The following TAOK2 variants were observed in gnomAD, a reference collection of about 807,000 sequenced individuals.
TAOK2 encodes serine/threonine-protein kinase TAO2.
Under a neutral mutation model 122.5 loss-of-function variants are expected in TAOK2, and 42 were observed. That is an observed-to-expected ratio of 0.34 (90% CI 0.27 to 0.44). The LOEUF (loss-of-function observed/expected upper bound fraction) is 0.44. Ranked by LOEUF, TAOK2 falls within the 20% of genes least tolerant of loss-of-function variation. The pLI is 1.00. For missense variants in TAOK2, 1,264 were observed against 1,644.9 expected (o/e 0.77, Z 4.01); for synonymous variants, 704 against 677.6 (o/e 1.04, Z -0.61).
chr16:29,989,344 C>G (rs904824610), downstream of TAOK2: 1 of 985,252 alleles, frequency 1.0e-6, no homozygotes, highest in South Asian at 4.7e-5. Flanking sequence ...TCTTGCCCAT[C>G]GAGACCTTCC....
At chr16:29,991,358 C>G (rs1285692118), downstream of TAOK2, 6 of 1,592,412 alleles carry the variant, frequency 3.8e-6, no homozygotes, top group Non-Finnish European at 5.1e-6. The surrounding 1 kb of genome is among the most constrained non-coding windows in gnomAD (Gnocchi z 5.6). Flanking sequence ...GCCCCCCAAA[C>G]TGGCTGGGGC....
Position 29,986,193 on chromosome 16 carries a change from T to A in TAOK2, c.1993-72T>A. Reference sequence around the variant, plus strand: ...TTCTTCCGCCATCCCCAGCTCCCTCTGCCAAGGAGCCCTGGCCTCTCACTT... The same window carrying A: ...TTCTTCCGCCATCCCCAGCTCCCTCAGCCAAGGAGCCCTGGCCTCTCACTT... On this transcript the variant is annotated intron_variant, in intron 15 of 15. Coordinates refer to ENST00000308893, the MANE Select transcript of TAOK2 (RefSeq NM_016151.4). The surrounding 1 kb of genome is among the most constrained non-coding windows in gnomAD (Gnocchi z 4.2). 1 of 1,499,158 alleles carries A rather than the reference T, an allele frequency of 6.7e-7. No homozygotes were observed. The highest frequency in any genetic ancestry group is 1.4e-5 in the South Asian group (1 of 71,374). The allele number at this position is 1,499,158 out of a possible 1,614,324, so 92.9% of individuals were successfully genotyped here. A position where few individuals can be genotyped will look rare whatever the true frequency, so the allele number is the denominator to read the frequency against.
intron 1 of TAOK2, among the ~76,000 whole-genome samples, chr16:29,975,300 G>A (rs1400721819): frequency 2.6e-5 from 4 of 152,176 alleles, no homozygotes; most frequent in Non-Finnish European, 5.9e-5. Flanking sequence ...CCCTGTGGGG[G>A]CCTCTTTTAT....
At chr16:29,989,546 C>G (rs372323337), downstream of TAOK2, 1 of 1,609,484 alleles carries the variant, frequency 6.2e-7, no homozygotes, top group Non-Finnish European at 8.5e-7. Flanking sequence ...TCTTCCTCCT[C>G]CTCTTCCCCG....
rs1256207952 is a variant in TAOK2 at position 29,986,379 on chromosome 16, G to A, written c.2107G>A (p.Ala703Thr). Residue 703 changes from alanine to threonine, a missense_variant, in exon 16 of 16, where the codon GCT becomes ACT. Ala to Thr is a moderately conservative substitution (Grantham distance 58). This residue lies in a region of TAOK2 where 824 missense variants were observed against 908.7 expected (regional missense o/e 0.91). Transcript: ENST00000308893. This position sits in a 1 kb window ranked among gnomAD's most constrained non-coding sequence, Gnocchi z 4.2. ...GCTCCAGGCCGTGCAGCGCACGCGGGCTGAGCTCACCCGCCTGCAGCACCA... is the reference window on the plus strand; with the variant it reads ...GCTCCAGGCCGTGCAGCGCACGCGGACTGAGCTCACCCGCCTGCAGCACCA... Reference protein sequence around the residue: ...RQLQAVQRTRAELTRLQHQTE... With the variant: ...RQLQAVQRTRTELTRLQHQTE... 1.8e-5 allele frequency: 29 copies of A among 1,608,668 alleles called. No individual in the cohort carries two copies. Among genetic ancestry groups the A allele is most frequent in the Non-Finnish European group, 2.5e-5 (29 of 1,177,324 alleles).
At position 29,974,366 on chromosome 16, in the gene TAOK2, C is replaced by A. The variant is rs1596588602; in HGVS notation, c.-318C>A. On this transcript the variant is annotated 5_prime_UTR_variant, in exon 1 of 16. Coordinates refer to ENST00000308893, the MANE Select transcript of TAOK2 (RefSeq NM_016151.4). ...GGCGTTCAAATATCGGATTCAGTCTCCATCCCGTTCAGATATTCGGGGTTC... is the reference window on the plus strand; with the variant it reads ...GGCGTTCAAATATCGGATTCAGTCTACATCCCGTTCAGATATTCGGGGTTC... 1 of 152,660 alleles carries A rather than the reference C, an allele frequency of 6.6e-6. No homozygotes were observed. The highest frequency in any genetic ancestry group is 1.5e-5 in the Non-Finnish European group (1 of 68,046). The allele number at this position is 152,660 out of a possible 1,614,324, so 9.5% of individuals were successfully genotyped here.
Position 29,978,283 on chromosome 16 carries a change from T to A in TAOK2, c.236T>A (p.Phe79Tyr). The part of the protein sequence containing the change: ...KWQDIIKEVR[F>Y]LQKLRHPNTI... ...CAAGACATCATCAAGGAGGTGCGGT[T>A]CTTACAGAAGCTCCGGCATCCCAAC... The change falls in exon 4 of 16, where the codon TTC becomes TAC. Residue 79 changes from phenylalanine (F) to tyrosine (Y), a missense_variant. Coordinates refer to ENST00000308893, the MANE Select transcript of TAOK2 (RefSeq NM_016151.4). 1 of 1,613,986 alleles carries A rather than the reference T, an allele frequency of 6.2e-7. No homozygotes were observed. The highest frequency in any genetic ancestry group is 8.5e-7 in the Non-Finnish European group (1 of 1,179,966).
intron 9 of TAOK2, 50 bp from the exon 10 acceptor site, chr16:29,981,809 G>C (rs74694001): frequency 1.2e-6 from 2 of 1,609,090 alleles, no homozygotes; most frequent in East Asian, 2.2e-5. Context: ...GGGTATGGAT[G>C]CCTGACTCAT....
At chr16:29,989,078 G>A (rs2069902877), downstream of TAOK2, 1 of 985,232 alleles carries the variant, frequency 1.0e-6, no homozygotes, top group African/African-American at 1.7e-5. Flanking sequence ...CTGGACCTGG[G>A]ACTTCCTGTG....
intron 1 of TAOK2, among the ~76,000 whole-genome samples, chr16:29,977,109 A>G (rs1201812206): frequency 1.3e-5 from 2 of 152,234 alleles, no homozygotes; most frequent in African/African-American, 4.8e-5. Context: ...AAGGTGGCCC[A>G]GAGCACAGAG....
In TAOK2 at chr16:29,973,878, G is replaced by A. The variant is rs2069371029; in HGVS notation, c.-806G>A. 6.6e-6 allele frequency: 1 copy of A among 152,614 alleles called. No individual in the cohort carries two copies. Among genetic ancestry groups the A allele is most frequent in the African/African-American group, 2.4e-5 (1 of 41,562 alleles). The allele number at this position is 152,614 out of a possible 1,614,324, so 9.5% of individuals were successfully genotyped here. ...GCGCTCCCGCCCGGTCTCCATCTTG[G>A]AATTGGGAGGAAGAGGGAGAGGGAG... On this transcript the variant is annotated 5_prime_UTR_variant, in exon 1 of 16. Coordinates refer to ENST00000308893, the MANE Select transcript of TAOK2 (RefSeq NM_016151.4).
At chr16:29,975,989 C>T (rs2069442200) in intron 1 of TAOK2, among the ~76,000 whole-genome samples, 5 of 152,164 alleles carry the variant, frequency 3.3e-5, no homozygotes, top group Admixed American at 3.3e-4. Context: ...CGGGTTTCCT[C>T]ATCTGTAGAA....
rs1325378504 is a variant in TAOK2 at position 29,983,326 on chromosome 16, G to T, written c.1254G>T (p.Arg418=). The change falls in exon 12 of 16, where the codon CGG becomes CGT. Residue 418 remains arginine (R), a synonymous_variant. Coordinates refer to ENST00000308893, the MANE Select transcript of TAOK2 (RefSeq NM_016151.4). The part of the protein sequence containing the change: ...TVTSHSSIIH[R]LPGSDNLYDD... The stretch of plus-strand genomic sequence containing the variant: ...CCTCTCACAGCTCCATTATCCACCG[G>T]CTGCCGGTACACAGCTCACCCTTGG... 1 of 1,596,234 alleles carries T rather than the reference G, an allele frequency of 6.3e-7. No homozygotes were observed. Among genetic ancestry groups the T allele is most frequent in the African/African-American group, 1.3e-5 (1 of 74,866 alleles).
chr16:29,974,508 G>T lies in TAOK2; in HGVS notation c.-176G>T, dbSNP rs887543071. On this transcript the variant is annotated 5_prime_UTR_variant, in exon 1 of 16. Coordinates refer to ENST00000308893, the MANE Select transcript of TAOK2 (RefSeq NM_016151.4). ...CTCCCCTCCAGGGGAGGCTTCCCGGGCCCGCCCCTCAGGAAGGGCGAAAGC... is the reference window on the plus strand; with the variant it reads ...CTCCCCTCCAGGGGAGGCTTCCCGGTCCCGCCCCTCAGGAAGGGCGAAAGC... 2 of 152,552 alleles carry T rather than the reference G, an allele frequency of 1.3e-5. No individual in the cohort carries two copies. The highest frequency in any genetic ancestry group is 2.4e-5 in the African/African-American group (1 of 41,432). 9.4% of individuals were successfully genotyped at this position (152,552 alleles called of 1,614,324 possible).
Position 29,985,655 on chromosome 16 carries a change from C to T in TAOK2, c.1789-3C>T. On this transcript the variant is annotated splice_region_variant and splice_polypyrimidine_tract_variant and intron_variant, in intron 14 of 15. Transcript: ENST00000308893. The surrounding 1 kb of genome is among the most constrained non-coding windows in gnomAD (Gnocchi z 6.9). Reference sequence around the variant, plus strand: ...GACCCTGCTTCCCTCTGCACTCGCCCAGGAGCTCCAGGAGAACCCCAGCAC... The same window carrying T: ...GACCCTGCTTCCCTCTGCACTCGCCTAGGAGCTCCAGGAGAACCCCAGCAC... 6.2e-7 allele frequency: 1 copy of T among 1,610,048 alleles called. No homozygotes were observed.
chr16:29,989,302 G>A (rs1469387317), downstream of TAOK2: 18 of 984,884 alleles, frequency 1.8e-5, no homozygotes, highest in Non-Finnish European at 1.9e-5. Context: ...CTCCGTGCAC[G>A]TGCTCTTGGA....
intron 1 of TAOK2, among the ~76,000 whole-genome samples, chr16:29,976,710 A>T (rs1271052208): frequency 1.3e-5 from 2 of 152,066 alleles, no homozygotes; most frequent in Non-Finnish European, 2.9e-5. Context: ...GCAAGAGGGG[A>T]GCTGAGCTTG....
chr16:29,991,001 G>A, downstream of TAOK2: 1 of 1,593,104 alleles, frequency 6.3e-7, no homozygotes, highest in Non-Finnish European at 8.6e-7. This position sits in a 1 kb window ranked among gnomAD's most constrained non-coding sequence, Gnocchi z 5.6. Context: ...GGGGAGGGAG[G>A]GTGGGCTCCT....
At chr16:29,989,275 G>C (rs760737821), downstream of TAOK2, 1 of 984,836 alleles carries the variant, frequency 1.0e-6, no homozygotes, top group Non-Finnish European at 1.2e-6. Flanking sequence ...GTTCTTTCTC[G>C]TGGGTATCGC....
Sources: allele counts gnomAD v4.1 joint callset (sites outside exome capture counted in the v4.1 genomes callset), GRCh38; gene constraint gnomAD v4.1.1; regional missense constraint gnomAD v4.1.1; non-coding constraint Gnocchi (gnomAD v3.1); transcripts MANE v1.5; gene names NCBI Gene and HGNC (gene_info 2026-07-23, HGNC 2026-07-21).